The following RIMS1 variants were observed in gnomAD, a reference collection of about 807,000 sequenced individuals.
The protein encoded by RIMS1 is regulating synaptic membrane exocytosis protein 1.
In RIMS1, 83 loss-of-function variants were observed where a neutral mutation model predicts 214.1. The observed-to-expected ratio is 0.39, with a 90% CI of 0.32 to 0.47. The LOEUF is 0.47. Ranked by LOEUF, RIMS1 falls within the 20% of genes least tolerant of loss-of-function variation. The pLI, the probability that RIMS1 is intolerant of heterozygous loss-of-function variation, is 0.99. For synonymous variants in RIMS1, 793 were observed against 786.8 expected (o/e 1.01, Z -0.13); for missense variants, 2,050 against 2,161.8 (o/e 0.95, Z 1.03).
At chr6:72,282,949 C>T (rs1313913285) in intron 23 of RIMS1, among the ~76,000 whole-genome samples, 4 of 151,920 alleles carry the variant, frequency 2.6e-5, no homozygotes, top group African/African-American at 9.7e-5. Flanking sequence ...CTGGCGAAAG[C>T]GGAAGAGATT....
At chr6:72,227,956 G>A (rs1468425973) in intron 6 of RIMS1, among the ~76,000 whole-genome samples, 1 of 151,826 alleles carries the variant, frequency 6.6e-6, no homozygotes, top group East Asian at 1.9e-4. Flanking sequence ...ACTTTTAAAA[G>A]GGAAATATTT....
chr6:72,059,693 T>C (rs1170475347), intron 2 of RIMS1, among the ~76,000 whole-genome samples: 2 of 152,252 alleles, frequency 1.3e-5, no homozygotes, highest in Non-Finnish European at 2.9e-5. Context: ...AAAATCATTC[T>C]AATGTACTTA....
intron 1 of RIMS1, among the ~76,000 whole-genome samples, chr6:71,929,649 G>T (rs535730835): frequency 6.3e-4 from 96 of 152,118 alleles, no homozygotes; most frequent in Non-Finnish European, 1.1e-3. Context: ...ATGGAATGAA[G>T]ATACAGTATA....
chr6:71,942,120 T>C (rs1348788953), intron 1 of RIMS1, among the ~76,000 whole-genome samples: 4 of 152,184 alleles, frequency 2.6e-5, no homozygotes, highest in African/African-American at 7.2e-5. Flanking sequence ...CTGAGAGCAC[T>C]TTCTTTTATT....
chr6:72,121,035 A>C (rs1189941125), intron 4 of RIMS1, among the ~76,000 whole-genome samples: 1 of 151,810 alleles, frequency 6.6e-6, no homozygotes, highest in Non-Finnish European at 1.5e-5. Flanking sequence ...TACCAGTAGC[A>C]TGCTGTTTTG....
chr6:72,010,845 A>C (rs1039956221), intron 2 of RIMS1, among the ~76,000 whole-genome samples: 1 of 152,228 alleles, frequency 6.6e-6, no homozygotes, highest in Non-Finnish European at 1.5e-5. Flanking sequence ...AAACAAATGG[A>C]AGAACATTCC....
intron 6 of RIMS1, chr6:72,212,936 T>TC (rs2054083562): frequency 7.2e-7 from 1 of 1,383,996 alleles, no homozygotes; most frequent in African/African-American, 1.5e-5. Flanking sequence ...CAAGGAGACT[T>TC]TCTTGTTCTC....
At chr6:72,303,341 G>A (rs1225330584) in intron 26 of RIMS1, among the ~76,000 whole-genome samples, 1 of 150,766 alleles carries the variant, frequency 6.6e-6, no homozygotes, top group African/African-American at 2.4e-5. Context: ...GGACAAACAA[G>A]ATTATAAAAT....
At chr6:72,253,023 C>T (rs190913335) in intron 16 of RIMS1, among the ~76,000 whole-genome samples, 191 bp downstream of exon 16, 113 of 152,314 alleles carry the variant, frequency 7.4e-4, no homozygotes, top group African/African-American at 2.4e-3. Flanking sequence ...TACTAATTAG[C>T]ATTCCCATAG....
intron 26 of RIMS1, among the ~76,000 whole-genome samples, chr6:72,300,008 C>T (rs1432125736): frequency 2.6e-5 from 4 of 151,730 alleles, no homozygotes; most frequent in Admixed American, 1.3e-4. Context: ...CTCCTGAACA[C>T]TTATTATGAA....
chr6:72,355,515 A>G lies in RIMS1; in HGVS notation c.4366+21680A>G, dbSNP rs141312403. 3.2e-3 allele frequency among the ~76,000 whole-genome samples: 487 copies of G among 152,264 alleles called. 4 individuals carry two copies. Among genetic ancestry groups the G allele is most frequent in the Non-Finnish European group, 3.5e-3 (240 of 68,004 alleles). On this transcript the variant is annotated intron_variant, in intron 29 of 33. Coordinates refer to ENST00000521978, the MANE Select transcript of RIMS1 (RefSeq NM_014989.7). The stretch of plus-strand genomic sequence containing the variant: ...ATTGTTCCTTTTTTCCTTATATCCA[A>G]AAGGCGAATTGTGTTATTATTCCTC...
intron 6 of RIMS1, among the ~76,000 whole-genome samples, chr6:72,215,383 C>G (rs1461971449): frequency 1.3e-5 from 2 of 152,128 alleles, no homozygotes; most frequent in Non-Finnish European, 1.5e-5. Context: ...TGAAGTAATT[C>G]AACAAAATAA....
chr6:72,393,584 G>A (rs1302041401), intron 31 of RIMS1, among the ~76,000 whole-genome samples: 6 of 152,020 alleles, frequency 3.9e-5, no homozygotes, highest in East Asian at 3.9e-4. Context: ...AAAATTAGCC[G>A]GGCATAGTGG....
At chr6:72,271,644 T>TG (rs1422077848) in intron 22 of RIMS1, among the ~76,000 whole-genome samples, 1 of 152,082 alleles carries the variant, frequency 6.6e-6, no homozygotes, top group Non-Finnish European at 1.5e-5. Context: ...TATCAATGCC[T>TG]GGGGGAGAGG....
rs139977388 is a variant in RIMS1, at chr6:71,948,225, G to C, written c.165-20758G>C. Among the ~76,000 whole-genome samples the C allele has an allele frequency of 8.6e-3, 1,307 of 152,258 alleles. 17 individuals are homozygous for C. Among genetic ancestry groups the C allele is most frequent in the African/African-American group, 0.029 (1,218 of 41,562 alleles). ...ATATTACTAAATGCTGAGGATATCA[G>C]ATGAGTTGTTCTGATCATTAGTGTT... is the stretch of plus-strand genomic sequence containing the variant. On this transcript the variant is annotated intron_variant, in intron 1 of 33. Coordinates refer to ENST00000521978, the MANE Select transcript of RIMS1 (RefSeq NM_014989.7).
intron 23 of RIMS1, among the ~76,000 whole-genome samples, chr6:72,279,412 A>G (rs1056872524): frequency 1.3e-5 from 2 of 152,050 alleles, no homozygotes; most frequent in African/African-American, 4.8e-5. Context: ...ATGTACTTTT[A>G]TAGCTTTAAA....
At chr6:72,020,556 A>T (rs1814299857) in intron 2 of RIMS1, among the ~76,000 whole-genome samples, 1 of 151,966 alleles carries the variant, frequency 6.6e-6, no homozygotes, top group Non-Finnish European at 1.5e-5. Context: ...TCCTTCCTTC[A>T]CTACATCTGT....
intron 24 of RIMS1, among the ~76,000 whole-genome samples, chr6:72,288,360 A>T (rs1383027409): frequency 6.6e-6 from 1 of 152,258 alleles, no homozygotes; most frequent in Non-Finnish European, 1.5e-5. Flanking sequence ...GAATACATGC[A>T]TGCCTGCATA....
At chr6:72,302,311 G>A (rs2094700183) in intron 26 of RIMS1, among the ~76,000 whole-genome samples, 1 of 151,612 alleles carries the variant, frequency 6.6e-6, no homozygotes, top group Admixed American at 6.6e-5. Flanking sequence ...ACTGTGGGCA[G>A]AGACTAGTAT....
Sources: allele counts gnomAD v4.1 joint callset (sites outside exome capture counted in the v4.1 genomes callset), GRCh38; gene constraint gnomAD v4.1.1; transcripts MANE v1.5; gene names NCBI Gene and HGNC (gene_info 2026-07-23, HGNC 2026-07-21).